Variants in TENM4 observed in about 807,000 individuals in gnomAD.
The protein encoded by TENM4 is teneurin transmembrane protein 4, also known as teneurin-4.
A neutral mutation model predicts 243.3 loss-of-function variants in TENM4; 82 were observed. The ratio of observed to expected loss-of-function variants is 0.34; its 90% CI spans 0.28 to 0.40. The LOEUF is 0.40. TENM4 is among the 10% of genes least tolerant of loss of function. The probability of loss-of-function intolerance (pLI) is 1.00; values close to 1 mark genes in which losing one functional copy is unlikely to be tolerated. For synonymous variants in TENM4, 1,412 were observed against 1,456.3 expected (o/e 0.97, Z 0.69); for missense variants, 3,138 against 3,673.3 (o/e 0.85, Z 3.77).
chr11:78,860,019 T>A (rs1858777422), intron 10 of TENM4, among the ~76,000 whole-genome samples: 2 of 152,364 alleles, frequency 1.3e-5, no homozygotes, highest in South Asian at 4.1e-4. Context: ...GAAAATATAG[T>A]ATGAACTGCA....
chr11:79,212,384 C>G (rs1440216128), intron 3 of TENM4, among the ~76,000 whole-genome samples: 1 of 152,198 alleles, frequency 6.6e-6, no homozygotes, highest in Non-Finnish European at 1.5e-5. Flanking sequence ...TCCAGGAACC[C>G]CTGTTTCTGA....
At chr11:79,408,102 T>C (rs923103505) in intron 1 of TENM4, among the ~76,000 whole-genome samples, 1 of 152,094 alleles carries the variant, frequency 6.6e-6, no homozygotes, top group African/African-American at 2.4e-5. Context: ...CATGGTTTCA[T>C]CATTTTGGCC....
chr11:79,327,649 C>CTTT (rs11408549), intron 1 of TENM4, among the ~76,000 whole-genome samples: 1,562 of 119,740 alleles, frequency 0.013, 54 homozygotes, highest in African/African-American at 0.046. Flanking sequence ...AATTGGAAAG[C>CTTT]TTTTTTTTTT....
chr11:79,063,894 G>A (rs55794697), intron 6 of TENM4, among the ~76,000 whole-genome samples: 2 of 152,090 alleles, frequency 1.3e-5, no homozygotes, highest in African/African-American at 2.4e-5. Context: ...TGGGATCAGG[G>A]GGAAGCTGCA....
chr11:79,035,268 C>T (rs371017179), intron 6 of TENM4, among the ~76,000 whole-genome samples: 3 of 152,172 alleles, frequency 2.0e-5, no homozygotes, highest in Admixed American at 6.5e-5. Flanking sequence ...ACAGGGGACA[C>T]GGCTGGCACT....
intron 1 of TENM4, among the ~76,000 whole-genome samples, chr11:79,383,222 T>G (rs1031655095): frequency 7.2e-5 from 11 of 152,220 alleles, no homozygotes; most frequent in African/African-American, 2.7e-4. Flanking sequence ...CCGCCTTGCT[T>G]CAGTGCTGCC....
intron 15 of TENM4, among the ~76,000 whole-genome samples, chr11:78,791,902 A>G (rs982639619): frequency 6.6e-6 from 1 of 152,142 alleles, no homozygotes; most frequent in African/African-American, 2.4e-5. Flanking sequence ...GAATTAATGG[A>G]GGAGGGCTGG....
At chr11:79,176,708 T>C (rs1863164722) in intron 3 of TENM4, among the ~76,000 whole-genome samples, 1 of 152,218 alleles carries the variant, frequency 6.6e-6, no homozygotes, top group African/African-American at 2.4e-5. Context: ...TGAGAAGATA[T>C]GTTCCTTTTA....
At chr11:78,765,782 A>ACGCT (rs1302648852) in intron 18 of TENM4, among the ~76,000 whole-genome samples, 1 of 152,230 alleles carries the variant, frequency 6.6e-6, no homozygotes, top group Non-Finnish European at 1.5e-5. Context: ...GAGATGATGT[A>ACGCT]CGCAGAGCGT....
intron 6 of TENM4, among the ~76,000 whole-genome samples, chr11:79,020,230 G>A (rs1858892508): frequency 6.6e-6 from 1 of 152,264 alleles, no homozygotes; most frequent in South Asian, 2.1e-4. Flanking sequence ...GGGCAGCTGG[G>A]ACCAGCCTTA....
chr11:78,902,300 A>G (rs79074430), intron 7 of TENM4, among the ~76,000 whole-genome samples: 4,853 of 152,334 alleles, frequency 0.032, 106 homozygotes, highest in Non-Finnish European at 0.046. Context: ...GTGAGCTTGT[A>G]TGGTTTTTAA....
intron 6 of TENM4, among the ~76,000 whole-genome samples, chr11:78,921,104 T>C (rs1469477977): frequency 6.6e-6 from 1 of 152,236 alleles, no homozygotes; most frequent in African/African-American, 2.4e-5. Flanking sequence ...AGCTTGACTC[T>C]CCAAGCACAG....
intron 4 of TENM4, among the ~76,000 whole-genome samples, chr11:79,146,774 T>C (rs1412580922): frequency 6.6e-6 from 1 of 152,056 alleles, no homozygotes; most frequent in Non-Finnish European, 1.5e-5. Context: ...ATCCACAGAC[T>C]TTCAGCTCCA....
intron 6 of TENM4, among the ~76,000 whole-genome samples, chr11:78,976,978 A>T (rs1389928816): frequency 1.3e-5 from 2 of 152,202 alleles, no homozygotes; most frequent in Admixed American, 1.3e-4. Context: ...ATATTACTTG[A>T]CATTTAATAT....
At chr11:79,353,046 G>A (rs1396739262) in intron 1 of TENM4, among the ~76,000 whole-genome samples, 1 of 152,064 alleles carries the variant, frequency 6.6e-6, no homozygotes, top group East Asian at 1.9e-4. Context: ...TTAAATGTTG[G>A]GATAAAGCTG....
At chr11:79,325,711 A>G (rs1478852136) in intron 1 of TENM4, among the ~76,000 whole-genome samples, 2 of 152,356 alleles carry the variant, frequency 1.3e-5, no homozygotes, top group African/African-American at 4.8e-5. Context: ...CCAGGCGCTC[A>G]GTGAACAGAG....
At chr11:78,668,700 G>A (rs1361768071) in intron 32 of TENM4, among the ~76,000 whole-genome samples, 1 of 152,164 alleles carries the variant, frequency 6.6e-6, no homozygotes, top group Non-Finnish European at 1.5e-5. Context: ...ACACTGAAAT[G>A]TACTATGAAA....
chr11:79,233,356 C>T (rs1046840074), intron 2 of TENM4, among the ~76,000 whole-genome samples: 8 of 152,112 alleles, frequency 5.3e-5, no homozygotes, highest in Non-Finnish European at 1.2e-4. Context: ...TGACAAAGCT[C>T]ATCTATAATT....
intron 12 of TENM4, among the ~76,000 whole-genome samples, chr11:78,841,820 G>A (rs899515108): frequency 3.9e-5 from 6 of 152,034 alleles, no homozygotes; most frequent in Non-Finnish European, 7.4e-5. Context: ...ATTCACTCCT[G>A]AACTCGTGGT....
Sources: allele counts gnomAD v4.1 joint callset (sites outside exome capture counted in the v4.1 genomes callset), GRCh38; gene constraint gnomAD v4.1.1; transcripts MANE v1.5; gene names NCBI Gene and HGNC (gene_info 2026-07-23, HGNC 2026-07-21).